GINS3: variants seen among roughly 807,000 people sequenced by gnomAD.
The protein encoded by GINS3 is DNA replication complex GINS protein PSF3.
A neutral mutation model predicts 20.0 loss-of-function variants in GINS3; 18 were observed. The ratio of observed to expected loss-of-function variants is 0.90; its 90% CI spans 0.62 to 1.33. The LOEUF is 1.33. Ranked by LOEUF, GINS3 falls within the 40% of genes most tolerant of loss-of-function variation. The pLI, the probability that GINS3 is intolerant of heterozygous loss-of-function variation, is 0.00. For missense variants in GINS3, 254 were observed against 273.6 expected, an observed-to-expected ratio of 0.93 and a Z score of 0.51; for synonymous variants, 109 against 107.0, an observed-to-expected ratio of 1.02 and a Z score of -0.12.
intron 1 of GINS3, among the ~76,000 whole-genome samples, chr16:58,396,538 C>T (rs1279606260): frequency 3.0e-5 from 1 of 33,126 alleles, no homozygotes; most frequent in Admixed American, 2.0e-4. Context: ...ACCTCCCTCC[C>T]GGACGGGGCG....
In GINS3 at chr16:58,404,071, T is replaced by C. The variant is rs537331618; in HGVS notation, c.421-428T>C. 6.4e-5 allele frequency: 11 copies of C among 172,462 alleles called. No individual in the cohort carries two copies. In the East Asian group the frequency reaches 1.8e-3, roughly 28 times the overall value. The allele number at this position is 172,462 out of a possible 1,614,324, so 10.7% of individuals were successfully genotyped here. ...TTCCAGGACAAAACAATGTTATACA[T>C]CTGTTCCCAACCTTTATGGTATAAC... On this transcript the variant is annotated intron_variant, in intron 2 of 2. Transcript: ENST00000318129.
At chr16:58,404,191 G>A (rs1212610674) in intron 2 of GINS3, 2 of 290,384 alleles carry the variant, frequency 6.9e-6, no homozygotes, top group Non-Finnish European at 1.3e-5. Flanking sequence ...TGCTACTAAT[G>A]ACAATAATAG....
intron 1 of GINS3, among the ~76,000 whole-genome samples, chr16:58,402,229 G>A (rs952888965): frequency 1.3e-5 from 2 of 151,982 alleles, no homozygotes; most frequent in African/African-American, 2.4e-5. Flanking sequence ...TTCAGTTCTG[G>A]AATTTCCATT....
chr16:58,403,446 G>A, intron 2 of GINS3, 115 bp downstream of exon 2: 1 of 744,862 alleles, frequency 1.3e-6, no homozygotes. Flanking sequence ...TTTTATTCCA[G>A]GTCAGCCTAC....
chr16:58,401,668 C>T (rs1265492956), intron 1 of GINS3, among the ~76,000 whole-genome samples: 2 of 152,230 alleles, frequency 1.3e-5, no homozygotes, highest in East Asian at 3.8e-4. Context: ...CAAGTCCCCA[C>T]CCAACCCAGA....
rs116076588 is a variant in GINS3 at position 58,394,260 on chromosome 16, C to T, written c.186+1473C>T. On this transcript the variant is annotated intron_variant, in intron 1 of 2. Coordinates refer to ENST00000318129, the MANE Select transcript of GINS3 (RefSeq NM_022770.4). ...GACCTCCTTGTTCTAATGACCTCGACGGTTTTGTGGAGTGGTGGTCAGGTA... is the reference window on the plus strand; with the variant it reads ...GACCTCCTTGTTCTAATGACCTCGATGGTTTTGTGGAGTGGTGGTCAGGTA... Among the ~76,000 whole-genome samples the T allele has an allele frequency of 5.2e-3, 785 of 152,212 alleles. 7 individuals carry two copies. Among genetic ancestry groups the T allele is most frequent in the African/African-American group, 0.017 (686 of 41,534 alleles).
At chr16:58,400,068 T>C (rs1208338561) in intron 1 of GINS3, among the ~76,000 whole-genome samples, 1 of 152,236 alleles carries the variant, frequency 6.6e-6, no homozygotes, top group Admixed American at 6.5e-5. Flanking sequence ...AATTCCCTTA[T>C]TCTGGATCTT....
intron 1 of GINS3, chr16:58,395,076 ATTTT>A (rs56933339): frequency 1.9e-3 from 846 of 455,132 alleles, no homozygotes; most frequent in South Asian, 4.1e-3. Context: ...ATTTTATCTA[ATTTT>A]TTTTTTTTTT....
rs1186001788 is a variant in GINS3 at position 58,396,394 on chromosome 16, A to AC, written c.186+3614dup. ...GGGCGGCTGGCCGGGCAGGGGGCTG[A>AC]CCCCCCCACCTCCCTCCCGGACGGG... On this transcript the variant is annotated intron_variant, in intron 1 of 2. Transcript: ENST00000318129. Among the ~76,000 whole-genome samples the AC allele has an allele frequency of 1.2e-3, 121 of 97,934 alleles. 2 individuals are homozygous for AC. Among genetic ancestry groups the AC allele is most frequent in the Non-Finnish European group, 2.0e-3 (96 of 48,378 alleles). 64.2% of individuals were successfully genotyped at this position (97,934 alleles called of 152,430 possible). A position where few individuals can be genotyped will look rare whatever the true frequency, so the allele number is the denominator to read the frequency against.
At chr16:58,392,891 A>G in intron 1 of GINS3, 104 bp downstream of exon 1, 1 of 1,254,026 alleles carries the variant, frequency 8.0e-7, no homozygotes, top group Non-Finnish European at 1.1e-6. Context: ...TGGGATTTGT[A>G]GTTTTCGAGG....
intron 1 of GINS3, among the ~76,000 whole-genome samples, chr16:58,392,988 C>T (rs1965804565): frequency 6.6e-6 from 1 of 152,236 alleles, no homozygotes; most frequent in Non-Finnish European, 1.5e-5. Context: ...TCTTGTTCGC[C>T]ATCTGTGGTG....
At chr16:58,403,522 T>A in intron 2 of GINS3, 191 bp downstream of exon 2, 2 of 500,002 alleles carry the variant, frequency 4.0e-6, no homozygotes, top group Non-Finnish European at 7.0e-6. Flanking sequence ...CACACACACA[T>A]TTTTTTAATA....
chr16:58,399,921 T>A (rs1266343523), intron 1 of GINS3, among the ~76,000 whole-genome samples: 2 of 152,210 alleles, frequency 1.3e-5, no homozygotes, highest in African/African-American at 2.4e-5. Context: ...GTTATTGTGA[T>A]GTATTCTAGT....
At chr16:58,396,212 C>T (rs1370957634) in intron 1 of GINS3, among the ~76,000 whole-genome samples, 2 of 124,374 alleles carry the variant, frequency 1.6e-5, no homozygotes, top group East Asian at 5.1e-4. Context: ...TAGGGGCGGC[C>T]GGGCAGAGGC....
chr16:58,397,338 C>T (rs1263357054), intron 1 of GINS3, among the ~76,000 whole-genome samples: 2 of 148,462 alleles, frequency 1.3e-5, no homozygotes, highest in African/African-American at 5.2e-5. Flanking sequence ...GGCGGCCGGG[C>T]AGAGACGCTC....
At chr16:58,396,580 T>C (rs1162691653) in intron 1 of GINS3, among the ~76,000 whole-genome samples, 2 of 30,072 alleles carry the variant, frequency 6.7e-5, no homozygotes, top group Admixed American at 6.2e-4. Flanking sequence ...CCCCCCCACC[T>C]CCCTCCCGGA....
Position 58,404,525 on chromosome 16 carries a change from C to T in GINS3, c.447C>T (p.Ile149=), listed in dbSNP as rs753314194. The change falls in exon 3 of 3, where the codon ATC becomes ATT. Residue 149 remains isoleucine, a synonymous_variant. Transcript: ENST00000318129. ...CTTTTATCGGACGTTTTCGCCGCAT[C>T]ATGGACTCCTCACAGAATGCTTACA... is the stretch of plus-strand genomic sequence containing the variant. ...LQTFIGRFRR[I]MDSSQNAYNE... The T allele has an allele frequency of 6.2e-7, 1 of 1,614,130 alleles. No homozygotes were observed.
At chr16:58,395,157 C>G (rs1250853183) in intron 1 of GINS3, 7 of 442,768 alleles carry the variant, frequency 1.6e-5, no homozygotes, top group Non-Finnish European at 2.8e-5. Flanking sequence ...CTCACTGCAG[C>G]CTTGACCTCC....
chr16:58,400,018 T>C (rs1055041328), intron 1 of GINS3, among the ~76,000 whole-genome samples: 14 of 152,244 alleles, frequency 9.2e-5, no homozygotes, highest in Non-Finnish European at 1.8e-4. Context: ...TTTCTGCATT[T>C]CTGTAGTTCT....
Sources: gnomAD v4.1 joint callset for allele counts (sites outside exome capture counted in the v4.1 genomes callset) on GRCh38, gnomAD v4.1.1 for gene constraint, MANE v1.5 for transcripts, NCBI Gene and HGNC (gene_info 2026-07-23, HGNC 2026-07-21) for gene names.